Variants in CSRNP2 observed in about 807,000 individuals in gnomAD.
CSRNP2 encodes cysteine/serine-rich nuclear protein 2.
A neutral mutation model predicts 36.6 loss-of-function variants in CSRNP2; 11 were observed. That is an observed-to-expected ratio of 0.30 (90% CI 0.19 to 0.50). The LOEUF (loss-of-function observed/expected upper bound fraction) is 0.50. CSRNP2 is among the 20% of genes least tolerant of loss of function. The pLI, the probability that CSRNP2 is intolerant of heterozygous loss-of-function variation, is 0.98. For missense variants in CSRNP2, 483 were observed against 691.4 expected, an observed-to-expected ratio of 0.70 and a Z score of 3.38; for synonymous variants, 248 against 275.3, an observed-to-expected ratio of 0.90 and a Z score of 0.98.
At chr12:51,070,129 TC>T (rs1451811719) in intron 3 of CSRNP2, among the ~76,000 whole-genome samples, 2 of 152,134 alleles carry the variant, frequency 1.3e-5, no homozygotes, top group Admixed American at 1.3e-4. Flanking sequence ...GGCCTCATAA[TC>T]CCTGGGGCTC....
chr12:51,075,709 C>CAT (rs1166536124), intron 2 of CSRNP2, among the ~76,000 whole-genome samples: 1 of 152,182 alleles, frequency 6.6e-6, no homozygotes, highest in Non-Finnish European at 1.5e-5. Context: ...GGCAACCCCT[C>CAT]ATATATAGTA....
chr12:51,078,713 CAGGA>C (rs1939497732), intron 1 of CSRNP2, among the ~76,000 whole-genome samples: 1 of 152,174 alleles, frequency 6.6e-6, no homozygotes, highest in African/African-American at 2.4e-5. Flanking sequence ...ATTAAGAAGT[CAGGA>C]AACAACAGGT....
rs368942976 is a variant in CSRNP2, at chr12:51,076,495, A to C, written c.67T>G (p.Ser23Ala). 2.4e-5 allele frequency: 38 copies of C among 1,613,958 alleles called. No homozygotes were observed. The highest frequency in any genetic ancestry group is 1.7e-6 in the Non-Finnish European group (2 of 1,180,010). Residue 23 changes from serine to alanine, a missense_variant, in exon 2 of 5, where the codon TCC becomes GCC. This residue lies in a region of CSRNP2 where 206 missense variants were observed against 367.8 expected (regional missense o/e 0.56). Coordinates refer to ENST00000228515, the MANE Select transcript of CSRNP2 (RefSeq NM_030809.3). ...CTGGAGATCTCATCATCTGAGTTGG[A>C]AACTGATGAGCCCACATCCACATCA... ...FDDVDVGSSV[S>A]NSDDEISSSD...
chr12:51,077,310 A>G (rs1448344483), intron 1 of CSRNP2, among the ~76,000 whole-genome samples: 1 of 152,178 alleles, frequency 6.6e-6, no homozygotes, highest in Non-Finnish European at 1.5e-5. Context: ...GTCTTATGGT[A>G]TTAATAGCTT....
rs184456751 is a variant in CSRNP2 at position 51,076,348 on chromosome 12, G to C, written c.151+63C>G. 493 of 1,561,764 alleles carry C rather than the reference G, an allele frequency of 3.2e-4. 1 individual carries two copies. In the African/African-American group the frequency reaches 5.5e-3, roughly 17 times the overall value. On this transcript the variant is annotated intron_variant, in intron 2 of 4. Coordinates refer to ENST00000228515, the MANE Select transcript of CSRNP2 (RefSeq NM_030809.3). ...CCAAGCCACACAGACGCTGTCTCGA[G>C]CTGCCATGGGTTCTGCTGCTTGGGG... is the stretch of plus-strand genomic sequence containing the variant.
intron 1 of CSRNP2, among the ~76,000 whole-genome samples, chr12:51,077,918 T>C (rs1456878448): frequency 6.6e-6 from 1 of 152,214 alleles, no homozygotes; most frequent in South Asian, 2.1e-4. Flanking sequence ...TTTCCCTAGG[T>C]ACAAATCTTT....
intron 1 of CSRNP2, among the ~76,000 whole-genome samples, chr12:51,079,815 C>T (rs1173409285): frequency 6.8e-6 from 1 of 146,698 alleles, no homozygotes; most frequent in East Asian, 2.0e-4. Context: ...TGGCTCACGC[C>T]TCTAATCTCA....
intron 1 of CSRNP2, among the ~76,000 whole-genome samples, chr12:51,079,961 T>C (rs1939561766): frequency 6.7e-6 from 1 of 148,302 alleles, no homozygotes; most frequent in Non-Finnish European, 1.5e-5. Context: ...TAATCTCAGC[T>C]ACTCAGGAGG....
In CSRNP2 at chr12:51,067,090, C is replaced by G. The variant is rs1938465434; in HGVS notation, c.708+583G>C. Among the ~76,000 whole-genome samples, 1 of 152,120 alleles carries G rather than the reference C, an allele frequency of 6.6e-6. No homozygotes were observed. The highest frequency in any genetic ancestry group is 1.5e-5 in the Non-Finnish European group (1 of 68,012). On this transcript the variant is annotated intron_variant, in intron 4 of 4. Coordinates refer to ENST00000228515, the MANE Select transcript of CSRNP2 (RefSeq NM_030809.3). This position sits in a 1 kb window ranked among gnomAD's most constrained non-coding sequence, Gnocchi z 4.1. ...AATCTGCCTGCCTGCCTCGGCCTCCCAAAGTGCTGGGATTACAGATGTGAG... is the reference window on the plus strand; with the variant it reads ...AATCTGCCTGCCTGCCTCGGCCTCCGAAAGTGCTGGGATTACAGATGTGAG...
At chr12:51,076,847 G>T (rs1011600227) in intron 1 of CSRNP2, 200 bp from the exon 2 acceptor site, 4 of 305,082 alleles carry the variant, frequency 1.3e-5, no homozygotes, top group Admixed American at 8.4e-5. Flanking sequence ...ATCACTCTTA[G>T]AATAATGAGA....
chr12:51,073,792 G>A, intron 3 of CSRNP2, 31 bp downstream of exon 3: 1 of 1,591,688 alleles, frequency 6.3e-7, no homozygotes, highest in Non-Finnish European at 8.5e-7. Flanking sequence ...TTCCTACATG[G>A]ACAGCAGTAG....
Position 51,063,794 on chromosome 12 carries a change from C to T in CSRNP2, c.1584G>A (p.Glu528=). The change falls in exon 5 of 5, where the codon GAG becomes GAA. Residue 528 remains glutamate (E), a synonymous_variant. Transcript: ENST00000228515. ...AGGAAGAATCTTCAGGGGGCCGATCCTCATTCTGCTGGGAGGTCTTCACCA... is the reference window on the plus strand; with the variant it reads ...AGGAAGAATCTTCAGGGGGCCGATCTTCATTCTGCTGGGAGGTCTTCACCA... The part of the protein sequence containing the change: ...CGMVKTSQQN[E]DRPPEDSSLE... 1 of 1,598,780 alleles carries T rather than the reference C, an allele frequency of 6.3e-7. No homozygotes were observed. The highest frequency in any genetic ancestry group is 8.5e-7 in the Non-Finnish European group (1 of 1,172,154).
chr12:51,073,809 G>A lies in CSRNP2; in HGVS notation c.411+14C>T. The A allele has an allele frequency of 6.2e-7, 1 of 1,610,284 alleles. No homozygotes were observed. Among genetic ancestry groups the A allele is most frequent in the Non-Finnish European group, 8.5e-7 (1 of 1,178,900 alleles). ...CCTACATGGACAGCAGTAGATCCCA[G>A]AACACTTAGGCACCTTCATTTTCTT... On this transcript the variant is annotated intron_variant, in intron 3 of 4. Coordinates refer to ENST00000228515, the MANE Select transcript of CSRNP2 (RefSeq NM_030809.3).
rs772574330 is a variant in CSRNP2, at chr12:51,064,040, C to G, written c.1338G>C (p.Glu446Asp). ...GGAGAGAGAAGACATTCAGATCCTT[C>G]TCCTTTGGGAAAGAGGCTGAGCCTT... ...TEEGSASFPK[E>D]KDLNVFSLPV... Residue 446 changes from glutamate (E) to aspartate (D), a missense_variant, in exon 5 of 5, where the codon GAG becomes GAC. By Grantham distance (45) the Glu-to-Asp change is conservative. Coordinates refer to ENST00000228515, the MANE Select transcript of CSRNP2 (RefSeq NM_030809.3). The G allele has an allele frequency of 1.2e-6, 2 of 1,614,256 alleles. No homozygotes were observed. Among genetic ancestry groups the G allele is most frequent in the East Asian group, 4.5e-5 (2 of 44,886 alleles).
At chr12:51,080,411 A>ATCTTTAGGTT in intron 1 of CSRNP2, among the ~76,000 whole-genome samples, 1 of 152,032 alleles carries the variant, frequency 6.6e-6, no homozygotes, top group Non-Finnish European at 1.5e-5. Context: ...ACTTTTTGTG[A>ATCTTTAGGTT]ACTTGGATGC....
At position 51,067,269 on chromosome 12, in the gene CSRNP2, T is replaced by C. The variant is rs780196392; in HGVS notation, c.708+404A>G. Among the ~76,000 whole-genome samples the C allele has an allele frequency of 4.6e-5, 7 of 152,198 alleles. No individual in the cohort carries two copies. The highest frequency in any genetic ancestry group is 2.0e-4 in the Admixed American group (3 of 15,268). On this transcript the variant is annotated intron_variant, in intron 4 of 4. Coordinates refer to ENST00000228515, the MANE Select transcript of CSRNP2 (RefSeq NM_030809.3). The surrounding 1 kb of genome is among the most constrained non-coding windows in gnomAD (Gnocchi z 4.1). ...TCATCCCTTTCCTAACAGCTGCTTC[T>C]TATCACCTCTGAGAAATGAAACAAA...
chr12:51,074,663 G>A (rs979707371), intron 2 of CSRNP2, among the ~76,000 whole-genome samples: 1 of 152,144 alleles, frequency 6.6e-6, no homozygotes, highest in Admixed American at 6.6e-5. Context: ...CTGGGAAGAG[G>A]ATCTCTAGTT....
chr12:51,074,197 A>G lies in CSRNP2; in HGVS notation c.152-115T>C, dbSNP rs1939298258. ...CTGTGGCACTGTCTCGGCTCACTGC[A>G]GCCTCCACCTCCCGGGTTCAAGCAA... is the stretch of plus-strand genomic sequence containing the variant. On this transcript the variant is annotated intron_variant, in intron 2 of 4. Transcript: ENST00000228515. 4 of 1,190,058 alleles carry G rather than the reference A, an allele frequency of 3.4e-6. No individual in the cohort carries two copies. In the South Asian group the frequency reaches 6.4e-5, roughly 19 times the overall value. The allele number at this position is 1,190,058 out of a possible 1,614,324, so 73.7% of individuals were successfully genotyped here.
chr12:51,066,556 A>C (rs2136856227), intron 4 of CSRNP2, among the ~76,000 whole-genome samples: 1 of 151,014 alleles, frequency 6.6e-6, no homozygotes. Context: ...CGGGAGAATC[A>C]CTTGAACCCA....
Sources: allele counts gnomAD v4.1 joint callset (sites outside exome capture counted in the v4.1 genomes callset), GRCh38; gene constraint gnomAD v4.1.1; regional missense constraint gnomAD v4.1.1; non-coding constraint Gnocchi (gnomAD v3.1); transcripts MANE v1.5; gene names NCBI Gene and HGNC (gene_info 2026-07-23, HGNC 2026-07-21).